Variants in ATRNL1 observed in about 807,000 individuals in gnomAD.
The protein encoded by ATRNL1 is attractin-like protein 1.
Under a neutral mutation model 182.7 loss-of-function variants are expected in ATRNL1, and 95 were observed. The ratio of observed to expected loss-of-function variants is 0.52; its 90% confidence interval spans 0.44 to 0.62. ATRNL1 has a LOEUF of 0.62. Among genes scored for constraint, ATRNL1 ranks in the 20% least tolerant of loss-of-function variants. The pLI is 0.00. For synonymous variants in ATRNL1, 576 were observed against 568.3 expected (o/e 1.01, Z -0.19); for missense variants, 1,471 against 1,679.5 (o/e 0.88, Z 2.17).
intron 28 of ATRNL1, among the ~76,000 whole-genome samples, chr10:115,887,091 C>T (rs1410865473): frequency 1.3e-5 from 2 of 152,150 alleles, no homozygotes; most frequent in Non-Finnish European, 2.9e-5. Flanking sequence ...AATGCATCAT[C>T]ATGGACCCCA....
At chr10:115,721,200 T>C (rs2134044011) in intron 26 of ATRNL1, among the ~76,000 whole-genome samples, 1 of 152,182 alleles carries the variant, frequency 6.6e-6, no homozygotes, top group Non-Finnish European at 1.5e-5. Context: ...ATATGAATTA[T>C]ATAATCAGTG....
chr10:115,500,022 A>G (rs1849741355), intron 24 of ATRNL1, among the ~76,000 whole-genome samples: 1 of 152,136 alleles, frequency 6.6e-6, no homozygotes. Flanking sequence ...AGGAAAGCTC[A>G]TTTTTTGCAG....
chr10:115,423,980 A>G (rs1210573379), intron 20 of ATRNL1, among the ~76,000 whole-genome samples: 1 of 152,232 alleles, frequency 6.6e-6, no homozygotes, highest in Admixed American at 6.5e-5. Context: ...AATAATCAGC[A>G]GAGCAAAGAG....
At chr10:115,630,466 A>C (rs1156957385) in intron 26 of ATRNL1, among the ~76,000 whole-genome samples, 2 of 151,780 alleles carry the variant, frequency 1.3e-5, no homozygotes, top group African/African-American at 2.4e-5. Context: ...TCCTCAAAAA[A>C]TTAGAAATAA....
intron 28 of ATRNL1, among the ~76,000 whole-genome samples, chr10:115,856,368 C>T (rs1325663234): frequency 7.3e-6 from 1 of 136,176 alleles, no homozygotes; most frequent in South Asian, 2.3e-4. Context: ...GCAGAGGTTG[C>T]AGTAAACCGA....
chr10:115,452,314 T>G (rs1847319154), intron 21 of ATRNL1, among the ~76,000 whole-genome samples: 1 of 152,208 alleles, frequency 6.6e-6, no homozygotes, highest in African/African-American at 2.4e-5. Flanking sequence ...TTTTCCTTTA[T>G]GATTGAGATC....
chr10:115,155,858 C>T (rs1200914224), intron 5 of ATRNL1, among the ~76,000 whole-genome samples: 3 of 152,066 alleles, frequency 2.0e-5, no homozygotes, highest in African/African-American at 7.2e-5. Context: ...TAGACTATTG[C>T]AGTAGTCCAG....
In ATRNL1 at chr10:115,574,183, A is replaced by G. The variant is rs1456875501; in HGVS notation, c.3795+24647A>G. On this transcript the variant is annotated intron_variant, in intron 26 of 28. Coordinates refer to ENST00000355044, the MANE Select transcript of ATRNL1 (RefSeq NM_207303.4). ...AGCCATTATATATAATTGTATATAT[A>G]ATACATATATATGTGTATCTATATA... Among the ~76,000 whole-genome samples, 7 of 151,260 alleles carry G rather than the reference A, an allele frequency of 4.6e-5. No individual in the cohort carries two copies. In the Admixed American group the frequency reaches 4.6e-4, roughly 10 times the overall value.
At chr10:115,684,726 A>G (rs373415594) in intron 26 of ATRNL1, among the ~76,000 whole-genome samples, 3 of 151,688 alleles carry the variant, frequency 2.0e-5, no homozygotes, top group Admixed American at 6.6e-5. Flanking sequence ...GAATGACTGT[A>G]TGTTCATTAC....
chr10:115,410,944 G>A (rs1411548484), intron 20 of ATRNL1, among the ~76,000 whole-genome samples: 1 of 151,872 alleles, frequency 6.6e-6, no homozygotes, highest in Non-Finnish European at 1.5e-5. Flanking sequence ...TACCATGTTG[G>A]CCAGGCTGGT....
intron 21 of ATRNL1, among the ~76,000 whole-genome samples, chr10:115,433,344 A>C (rs1223381348): frequency 6.6e-6 from 1 of 152,150 alleles, no homozygotes; most frequent in Non-Finnish European, 1.5e-5. Flanking sequence ...CTAAAACTGA[A>C]TAAAATAATT....
intron 27 of ATRNL1, among the ~76,000 whole-genome samples, chr10:115,775,926 C>G (rs187132836): frequency 6.8e-6 from 1 of 146,904 alleles, no homozygotes; most frequent in South Asian, 2.2e-4. Context: ...CCATTGCACT[C>G]CAACCTGGGC....
At chr10:115,559,765 A>G (rs868934175) in intron 26 of ATRNL1, among the ~76,000 whole-genome samples, 3 of 152,342 alleles carry the variant, frequency 2.0e-5, no homozygotes, top group Middle Eastern at 3.4e-3. Context: ...GATAAAAGGC[A>G]TCTGCCAATA....
intron 27 of ATRNL1, among the ~76,000 whole-genome samples, chr10:115,739,449 A>G (rs1325751003): frequency 1.3e-5 from 2 of 152,166 alleles, no homozygotes; most frequent in African/African-American, 4.8e-5. Flanking sequence ...TCCACCCTTC[A>G]CCTACTGTCA....
intron 28 of ATRNL1, among the ~76,000 whole-genome samples, chr10:115,924,841 A>G (rs1379624696): frequency 1.3e-5 from 2 of 152,176 alleles, no homozygotes; most frequent in African/African-American, 4.8e-5. Context: ...TTTGGGCAGT[A>G]TGGCCATTTT....
chr10:115,340,471 C>CTTTTTTTTTTTTTTTTTTTTTTTTTT (rs1197538123), intron 19 of ATRNL1, among the ~76,000 whole-genome samples: 1 of 89,590 alleles, frequency 1.1e-5, no homozygotes, highest in African/African-American at 4.4e-5. Flanking sequence ...CTTTTCTTTT[C>CTTTTTTTTTTTTTTTTTTTTTTTTTT]TTTTCTTTTT....
chr10:115,123,065 T>G (rs1208355899), intron 3 of ATRNL1, among the ~76,000 whole-genome samples: 1 of 152,224 alleles, frequency 6.6e-6, no homozygotes, highest in Non-Finnish European at 1.5e-5. Context: ...TTAATACTCA[T>G]CCATTAGCAT....
chr10:115,138,528 A>G (rs1203710860), intron 5 of ATRNL1, among the ~76,000 whole-genome samples: 1 of 152,210 alleles, frequency 6.6e-6, no homozygotes, highest in Non-Finnish European at 1.5e-5. Context: ...TCAACACCAC[A>G]TGGAAGCTGC....
chr10:115,411,523 G>T (rs1406324845), intron 20 of ATRNL1, among the ~76,000 whole-genome samples: 1 of 151,828 alleles, frequency 6.6e-6, no homozygotes, highest in African/African-American at 2.4e-5. Context: ...TAGTGGAAAA[G>T]GAGTATGATT....
Sources: allele counts gnomAD v4.1 joint callset (sites outside exome capture counted in the v4.1 genomes callset), GRCh38; gene constraint gnomAD v4.1.1; transcripts MANE v1.5; gene names NCBI Gene and HGNC (gene_info 2026-07-23, HGNC 2026-07-21).